Variants in KCNB2 observed in about 807,000 individuals in gnomAD.
The protein encoded by KCNB2 is potassium voltage-gated channel subfamily B member 2.
In KCNB2, 15 loss-of-function variants were observed where a neutral mutation model predicts 61.5. That is an observed-to-expected ratio of 0.24 (90% CI 0.16 to 0.38). The LOEUF is 0.38. KCNB2 is among the 10% of genes least tolerant of loss of function. The pLI, the probability that KCNB2 is intolerant of heterozygous loss-of-function variation, is 1.00. For synonymous variants in KCNB2, 457 were observed against 446.0 expected, an observed-to-expected ratio of 1.02 and a Z score of -0.31; for missense variants, 828 against 1,125.2, an observed-to-expected ratio of 0.74 and a Z score of 3.78.
chr8:72,804,379 A>G (rs1809182980), intron 2 of KCNB2, among the ~76,000 whole-genome samples: 1 of 152,128 alleles, frequency 6.6e-6, no homozygotes, highest in Non-Finnish European at 1.5e-5. Flanking sequence ...TCTATTTTGC[A>G]TTATAAAGTA....
Position 72,572,353 on chromosome 8 carries a change from G to C in KCNB2, c.579+4040G>C, listed in dbSNP as rs927271151. 3.9e-5 allele frequency among the ~76,000 whole-genome samples: 6 copies of C among 152,156 alleles called. No homozygotes were observed. The East Asian group carries it at 9.6e-4, about 24-fold the overall frequency. ...AAGCAGCCCTTATTGGATAAGAACA[G>C]CAGGAGGCAAAATCTGCGGAAACAC... On this transcript the variant is annotated intron_variant, in intron 2 of 2. Coordinates refer to ENST00000523207, the MANE Select transcript of KCNB2 (RefSeq NM_004770.3).
intron 1 of KCNB2, among the ~76,000 whole-genome samples, chr8:72,558,400 T>C (rs1361847965): frequency 6.6e-6 from 1 of 152,170 alleles, no homozygotes; most frequent in African/African-American, 2.4e-5. Flanking sequence ...CTATAATAGA[T>C]AAAACAAACT....
intron 1 of KCNB2, among the ~76,000 whole-genome samples, chr8:72,557,739 G>C (rs560594196): frequency 6.6e-6 from 1 of 152,284 alleles, no homozygotes; most frequent in East Asian, 1.9e-4. Context: ...CCTGACAGGT[G>C]ATCACCTGGG....
At chr8:72,619,870 G>T (rs139500452) in intron 2 of KCNB2, among the ~76,000 whole-genome samples, 1 of 152,240 alleles carries the variant, frequency 6.6e-6, no homozygotes, top group East Asian at 1.9e-4. Flanking sequence ...TTATTCATTG[G>T]AGATGTTGAT....
intron 2 of KCNB2, among the ~76,000 whole-genome samples, chr8:72,916,382 C>T (rs901657696): frequency 2.6e-5 from 4 of 152,116 alleles, no homozygotes; most frequent in African/African-American, 7.2e-5. Context: ...TGCTTGGTCC[C>T]GCTGTGTTCC....
chr8:72,907,625 C>G (rs1451505120), intron 2 of KCNB2, among the ~76,000 whole-genome samples: 2 of 152,174 alleles, frequency 1.3e-5, no homozygotes, highest in East Asian at 3.9e-4. Flanking sequence ...TTTGGATTCT[C>G]TAACACAAAA....
chr8:72,709,073 A>C (rs962404991), intron 2 of KCNB2, among the ~76,000 whole-genome samples: 3 of 152,192 alleles, frequency 2.0e-5, no homozygotes, highest in Non-Finnish European at 4.4e-5. Flanking sequence ...ACCCTTTGAT[A>C]ATACTGCTCT....
chr8:72,729,385 A>T (rs916519005), intron 2 of KCNB2, among the ~76,000 whole-genome samples: 2 of 152,206 alleles, frequency 1.3e-5, no homozygotes, highest in African/African-American at 4.8e-5. Context: ...TGACTCTTAA[A>T]TGCAAACTCA....
intron 2 of KCNB2, among the ~76,000 whole-genome samples, chr8:72,867,496 C>T (rs2129004494): frequency 6.6e-6 from 1 of 152,140 alleles, no homozygotes; most frequent in East Asian, 1.9e-4. Context: ...AAAAACAAAA[C>T]AAAACAAAGC....
intron 2 of KCNB2, among the ~76,000 whole-genome samples, chr8:72,822,786 C>T (rs1358779542): frequency 6.6e-6 from 1 of 152,158 alleles, no homozygotes; most frequent in Non-Finnish European, 1.5e-5. Flanking sequence ...GTTCTCTGAC[C>T]TCTGGCTGGA....
chr8:72,664,141 A>G (rs190861727), intron 2 of KCNB2, among the ~76,000 whole-genome samples: 327 of 152,304 alleles, frequency 2.1e-3, no homozygotes, highest in Admixed American at 5.3e-3. Flanking sequence ...AGATCCCAGG[A>G]GATCAGAATG....
At chr8:72,806,544 G>C (rs957676217) in intron 2 of KCNB2, among the ~76,000 whole-genome samples, 1 of 151,882 alleles carries the variant, frequency 6.6e-6, no homozygotes, top group Admixed American at 6.6e-5. Flanking sequence ...GAACCCGGGA[G>C]GCAGAGGTTG....
intron 2 of KCNB2, among the ~76,000 whole-genome samples, chr8:72,779,180 GAA>G (rs1381826919): frequency 2.0e-5 from 3 of 152,204 alleles, no homozygotes; most frequent in Admixed American, 2.0e-4. Flanking sequence ...AGAGACTCGA[GAA>G]GAGAAAGCTG....
At position 72,619,298 on chromosome 8, in the gene KCNB2, AT is replaced by A. The variant is rs555571804; in HGVS notation, c.579+50987del. ...GATACCTGGAACCAGTGCTGGAGAG[AT>A]TGGCAGGGGAAAAGTTCACACTCTC... On this transcript the variant is annotated intron_variant, in intron 2 of 2. Transcript: ENST00000523207. 2.0e-3 allele frequency: 1,213 copies of A among 615,588 alleles called. 7 individuals carry two copies. The highest frequency in any genetic ancestry group is 2.4e-3 in the Non-Finnish European group (739 of 314,296). 38.1% of individuals were successfully genotyped at this position (615,588 alleles called of 1,614,324 possible).
intron 2 of KCNB2, among the ~76,000 whole-genome samples, chr8:72,623,653 G>A (rs1487594143): frequency 1.3e-5 from 2 of 152,192 alleles, no homozygotes; most frequent in Non-Finnish European, 2.9e-5. Flanking sequence ...GCACACAGGA[G>A]GCCTTGACCA....
At chr8:72,589,485 G>A (rs1188581852) in intron 2 of KCNB2, among the ~76,000 whole-genome samples, 1 of 152,218 alleles carries the variant, frequency 6.6e-6, no homozygotes, top group Admixed American at 6.5e-5. Context: ...CAGTGTGTGT[G>A]TAGGGGGATT....
intron 2 of KCNB2, among the ~76,000 whole-genome samples, chr8:72,748,684 C>T: frequency 7.3e-6 from 1 of 136,462 alleles, no homozygotes; most frequent in African/African-American, 2.8e-5. Context: ...TTTTAAAAAT[C>T]TCTGATTTTT....
At chr8:72,898,964 G>T (rs901934846) in intron 2 of KCNB2, among the ~76,000 whole-genome samples, 2 of 152,042 alleles carry the variant, frequency 1.3e-5, no homozygotes, top group Non-Finnish European at 1.5e-5. Flanking sequence ...TCACTGCAAG[G>T]GACGTGATTT....
chr8:72,691,201 A>G (rs1806934703), intron 2 of KCNB2, among the ~76,000 whole-genome samples: 1 of 152,212 alleles, frequency 6.6e-6, no homozygotes, highest in Non-Finnish European at 1.5e-5. Flanking sequence ...GAACTCTAGC[A>G]ACGGACATCA....
Sources: gnomAD v4.1 joint callset for allele counts (sites outside exome capture counted in the v4.1 genomes callset) on GRCh38, gnomAD v4.1.1 for gene constraint, MANE v1.5 for transcripts, NCBI Gene and HGNC (gene_info 2026-07-23, HGNC 2026-07-21) for gene names.